Variants in PHACTR1 observed in about 807,000 individuals in gnomAD.
PHACTR1 encodes the protein phosphatase and actin regulator 1.
In PHACTR1, 16 loss-of-function variants were observed where a neutral mutation model predicts 69.2. The observed-to-expected ratio is 0.23, with a 90% confidence interval of 0.16 to 0.35. The LOEUF (loss-of-function observed/expected upper bound fraction) is 0.35. Ranked by LOEUF, PHACTR1 falls within the 10% of genes least tolerant of loss-of-function variation. The pLI, the probability that PHACTR1 is intolerant of heterozygous loss-of-function variation, is 1.00. For synonymous variants in PHACTR1, 312 were observed against 284.5 expected (o/e 1.10, Z -0.97); for missense variants, 510 against 734.7 (o/e 0.69, Z 3.54).
intron 4 of PHACTR1, among the ~76,000 whole-genome samples, chr6:13,002,277 T>C (rs1224429654): frequency 6.6e-6 from 1 of 152,222 alleles, no homozygotes; most frequent in Non-Finnish European, 1.5e-5. Context: ...TGGCAAAATG[T>C]CAATATATAC....
At chr6:12,895,285 G>A (rs937830457) in intron 4 of PHACTR1, among the ~76,000 whole-genome samples, 4 of 147,848 alleles carry the variant, frequency 2.7e-5, no homozygotes, top group Non-Finnish European at 4.4e-5. Context: ...AGGTTCCAGC[G>A]ATTCTCCTGC....
At chr6:12,793,963 C>T (rs562417885) in intron 4 of PHACTR1, among the ~76,000 whole-genome samples, 5 of 152,278 alleles carry the variant, frequency 3.3e-5, no homozygotes, top group African/African-American at 9.6e-5. Context: ...CCAGGCACTC[C>T]GCTAAGTCCT....
At chr6:12,972,755 G>A (rs1261694203) in intron 4 of PHACTR1, among the ~76,000 whole-genome samples, 3 of 151,210 alleles carry the variant, frequency 2.0e-5, no homozygotes, top group African/African-American at 7.3e-5. Context: ...GGGTTCAAGC[G>A]ATTCTCCTGT....
At chr6:12,738,588 C>T (rs777730485) in intron 3 of PHACTR1, among the ~76,000 whole-genome samples, 1 of 152,156 alleles carries the variant, frequency 6.6e-6, no homozygotes, top group Non-Finnish European at 1.5e-5. Flanking sequence ...CCAGGCTGGG[C>T]ATGGTGGCTC....
At chr6:12,895,539 G>A (rs1784580459) in intron 4 of PHACTR1, among the ~76,000 whole-genome samples, 1 of 152,152 alleles carries the variant, frequency 6.6e-6, no homozygotes, top group Admixed American at 6.5e-5. Context: ...AGTGGAATTT[G>A]ATGAGTTTTA....
intron 4 of PHACTR1, among the ~76,000 whole-genome samples, chr6:12,820,852 C>T (rs1022035529): frequency 6.6e-6 from 1 of 152,004 alleles, no homozygotes; most frequent in Admixed American, 6.6e-5. Context: ...TCTTTATTAA[C>T]AAAAAATCAT....
intron 3 of PHACTR1, among the ~76,000 whole-genome samples, chr6:12,748,942 G>T (rs538950101): frequency 5.9e-5 from 9 of 152,320 alleles, no homozygotes; most frequent in Admixed American, 2.6e-4. Flanking sequence ...CCTCTAAGTT[G>T]TAAGGGGGCA....
At chr6:12,983,428 A>G (rs1795755341) in intron 4 of PHACTR1, among the ~76,000 whole-genome samples, 1 of 152,214 alleles carries the variant, frequency 6.6e-6, no homozygotes, top group Non-Finnish European at 1.5e-5. Flanking sequence ...AAATAATTAC[A>G]AAAGTAAAAC....
chr6:13,142,315 G>C (rs1046513108), intron 5 of PHACTR1, among the ~76,000 whole-genome samples: 1 of 152,118 alleles, frequency 6.6e-6, no homozygotes, highest in Non-Finnish European at 1.5e-5. Flanking sequence ...AGTTGGCCAG[G>C]CTGGTCTTGA....
At chr6:12,973,545 T>C (rs1794484109) in intron 4 of PHACTR1, among the ~76,000 whole-genome samples, 1 of 152,240 alleles carries the variant, frequency 6.6e-6, no homozygotes, top group Admixed American at 6.5e-5. Context: ...TTATAAACTG[T>C]TTTGAGGCAT....
chr6:12,823,591 T>C (rs1331704655), intron 4 of PHACTR1, among the ~76,000 whole-genome samples: 1 of 152,198 alleles, frequency 6.6e-6, no homozygotes, highest in Non-Finnish European at 1.5e-5. Flanking sequence ...CCATATGGAA[T>C]GTGAAAGTTC....
intron 5 of PHACTR1, among the ~76,000 whole-genome samples, chr6:13,069,829 A>G (rs996060445): frequency 6.6e-6 from 1 of 152,172 alleles, no homozygotes; most frequent in South Asian, 2.1e-4. Context: ...CAACAGACCT[A>G]TATAGTATTA....
intron 5 of PHACTR1, among the ~76,000 whole-genome samples, chr6:13,058,770 CA>C (rs1379155927): frequency 6.6e-6 from 1 of 152,044 alleles, no homozygotes; most frequent in Non-Finnish European, 1.5e-5. Context: ...AGAGCTTGTG[CA>C]AAGGCCCTGT....
chr6:13,103,386 G>A (rs1489211179), intron 5 of PHACTR1, among the ~76,000 whole-genome samples: 1 of 152,156 alleles, frequency 6.6e-6, no homozygotes, highest in Non-Finnish European at 1.5e-5. Flanking sequence ...GTTTGTTATT[G>A]TTGTGAGAAT....
At chr6:13,026,394 T>A (rs762638467) in intron 4 of PHACTR1, among the ~76,000 whole-genome samples, 1 of 152,186 alleles carries the variant, frequency 6.6e-6, no homozygotes, top group African/African-American at 2.4e-5. Context: ...TGTGATATTT[T>A]AAAATTCTCT....
intron 3 of PHACTR1, among the ~76,000 whole-genome samples, chr6:12,727,726 G>A (rs747017228): frequency 6.6e-6 from 1 of 152,120 alleles, no homozygotes; most frequent in Non-Finnish European, 1.5e-5. Context: ...AAACAAATCT[G>A]TTTTCTCAAA....
intron 8 of PHACTR1, among the ~76,000 whole-genome samples, chr6:13,227,183 A>G (rs1320705303): frequency 6.6e-6 from 1 of 152,108 alleles, no homozygotes; most frequent in Non-Finnish European, 1.5e-5. Flanking sequence ...GTGGGAGAGA[A>G]CTTTCTCTAG....
At chr6:12,935,015 A>G (rs1351898312) in intron 4 of PHACTR1, among the ~76,000 whole-genome samples, 1 of 152,086 alleles carries the variant, frequency 6.6e-6, no homozygotes, top group Admixed American at 6.5e-5. Flanking sequence ...CACTTTCTCT[A>G]TCTTTAAAAT....
At chr6:13,208,546 G>A (rs1474533467) in intron 8 of PHACTR1, among the ~76,000 whole-genome samples, 2 of 152,076 alleles carry the variant, frequency 1.3e-5, no homozygotes, top group Non-Finnish European at 2.9e-5. Context: ...TCCAGCCTGG[G>A]TCTTCCCTCT....
Sources: allele counts gnomAD v4.1 joint callset (sites outside exome capture counted in the v4.1 genomes callset), GRCh38; gene constraint gnomAD v4.1.1; transcripts MANE v1.5; gene names NCBI Gene and HGNC (gene_info 2026-07-23, HGNC 2026-07-21).